Variants in MLLT10 observed in about 807,000 individuals in gnomAD.
MLLT10 encodes the protein protein AF-10.
In MLLT10, 30 loss-of-function variants were observed where a neutral mutation model predicts 129.1. The ratio of observed to expected loss-of-function variants is 0.23; its 90% CI spans 0.17 to 0.32. The LOEUF is 0.32. Ranked by LOEUF, MLLT10 falls within the 10% of genes least tolerant of loss-of-function variation. The pLI is 1.00. For synonymous variants in MLLT10, 490 were observed against 446.4 expected (o/e 1.10, Z -1.23); for missense variants, 1,119 against 1,268.3 (o/e 0.88, Z 1.79).
At chr10:21,600,209 G>A (rs6482189) in intron 5 of MLLT10, among the ~76,000 whole-genome samples, 59,610 of 151,872 alleles carry the variant, frequency 0.39, 13,175 homozygotes, top group African/African-American at 0.59. Flanking sequence ...GGCTTTATAT[G>A]CATTTTAGTA....
At chr10:21,668,903 T>C (rs2051111932) in intron 9 of MLLT10, 2 of 1,192,006 alleles carry the variant, frequency 1.7e-6, no homozygotes, top group African/African-American at 3.2e-5. Context: ...TAGATGACTT[T>C]TAAACTTCAC....
At chr10:21,607,956 T>A (rs1367045621) in intron 5 of MLLT10, among the ~76,000 whole-genome samples, 1 of 152,080 alleles carries the variant, frequency 6.6e-6, no homozygotes, top group Non-Finnish European at 1.5e-5. Context: ...ATATTTTGCC[T>A]TTATTTTTGA....
chr10:21,732,150 CCT>C (rs2058022338), intron 17 of MLLT10, among the ~76,000 whole-genome samples: 1 of 152,090 alleles, frequency 6.6e-6, no homozygotes, highest in South Asian at 2.1e-4. Context: ...TTCTAAAGGC[CCT>C]GAGGTCATGT....
At chr10:21,593,447 A>G (rs2042702639) in intron 4 of MLLT10, among the ~76,000 whole-genome samples, 1 of 152,022 alleles carries the variant, frequency 6.6e-6, no homozygotes, top group African/African-American at 2.4e-5. Flanking sequence ...GTTTTCAGTT[A>G]TTTGCATCAA....
intron 13 of MLLT10, among the ~76,000 whole-genome samples, chr10:21,707,483 G>A (rs547564272): frequency 1.3e-5 from 2 of 152,122 alleles, no homozygotes; most frequent in Non-Finnish European, 2.9e-5. Flanking sequence ...GAGCCACTGC[G>A]CCCGGCCAAG....
At position 21,702,996 on chromosome 10, in the gene MLLT10, CCTTTCTTTTT is replaced by C. The variant is rs543284517; in HGVS notation, c.1700-10775_1700-10766del. Reference sequence around the variant, plus strand: ...AGTTGTTTTGTATATTCTTTCTTTTCCTTTCTTTTTGTCGTTGTGGTTTTGTGGTTTTCTG... The same window carrying C: ...AGTTGTTTTGTATATTCTTTCTTTTCGTCGTTGTGGTTTTGTGGTTTTCTG... On this transcript the variant is annotated intron_variant, in intron 13 of 22. Coordinates refer to ENST00000307729, the MANE Select transcript of MLLT10 (RefSeq NM_001195626.3). Among the ~76,000 whole-genome samples, 274 of 151,958 alleles carry C rather than the reference CCTTTCTTTTT, an allele frequency of 1.8e-3. 1 individual carries two copies. Among genetic ancestry groups the C allele is most frequent in the Non-Finnish European group, 2.7e-3 (186 of 67,942 alleles).
At chr10:21,676,469 CCA>C (rs1248643853) in intron 11 of MLLT10, among the ~76,000 whole-genome samples, 2 of 149,174 alleles carry the variant, frequency 1.3e-5, no homozygotes, top group African/African-American at 4.9e-5. Flanking sequence ...GCCTGTAATC[CCA>C]GTACTTTGGG....
chr10:21,665,309 G>GGT (rs2050671152), intron 9 of MLLT10, among the ~76,000 whole-genome samples: 2 of 141,304 alleles, frequency 1.4e-5, no homozygotes, highest in African/African-American at 5.3e-5. Context: ...TTTGGGGGGG[G>GGT]GGGGGTTTCA....
chr10:21,563,810 T>TATG (rs1275761258), intron 3 of MLLT10, among the ~76,000 whole-genome samples: 9 of 149,278 alleles, frequency 6.0e-5, no homozygotes, highest in African/African-American at 2.2e-4. Flanking sequence ...TTATTATTAT[T>TATG]ATTATTATTA....
At chr10:21,556,976 T>C in intron 3 of MLLT10, 1 of 1,517,640 alleles carries the variant, frequency 6.6e-7, no homozygotes, top group Admixed American at 2.3e-5. Flanking sequence ...GTGTTTCTGA[T>C]GTGGTCTTTT....
chr10:21,574,890 C>G (rs138211935), intron 3 of MLLT10, among the ~76,000 whole-genome samples: 1 of 152,238 alleles, frequency 6.6e-6, no homozygotes, highest in East Asian at 1.9e-4. Context: ...GTTTTATCAG[C>G]AAGGTTTTTA....
chr10:21,707,977 T>G (rs1232631353), intron 13 of MLLT10, among the ~76,000 whole-genome samples: 1 of 152,244 alleles, frequency 6.6e-6, no homozygotes, highest in Non-Finnish European at 1.5e-5. Context: ...TTCCTAGTAT[T>G]TCACTCTTGT....
intron 8 of MLLT10, among the ~76,000 whole-genome samples, chr10:21,650,680 T>C (rs545057138): frequency 2.0e-5 from 3 of 152,294 alleles, no homozygotes; most frequent in African/African-American, 7.2e-5. Context: ...CAATACTGTT[T>C]CATAATGTAG....
At chr10:21,698,037 G>A (rs907864257) in intron 13 of MLLT10, among the ~76,000 whole-genome samples, 6 of 152,110 alleles carry the variant, frequency 3.9e-5, no homozygotes, top group East Asian at 1.9e-4. Context: ...CCATCACCTC[G>A]AATGTTTATC....
chr10:21,639,009 G>A (rs1406365560), intron 8 of MLLT10, among the ~76,000 whole-genome samples: 1 of 152,096 alleles, frequency 6.6e-6, no homozygotes, highest in Admixed American at 6.5e-5. Context: ...CTAGTTGACC[G>A]TACAATTTTT....
intron 8 of MLLT10, among the ~76,000 whole-genome samples, chr10:21,628,429 C>CT (rs2046667760): frequency 3.5e-5 from 5 of 143,724 alleles, no homozygotes; most frequent in Non-Finnish European, 7.5e-5. Flanking sequence ...AGGATGCTCT[C>CT]TCTTTTTTTT....
chr10:21,704,022 T>TTG (rs1554856134), intron 13 of MLLT10, among the ~76,000 whole-genome samples: 33 of 132,390 alleles, frequency 2.5e-4, no homozygotes, highest in African/African-American at 5.4e-4. Context: ...TTTTGTTTTT[T>TTG]TTTTTTTTTT....
intron 5 of MLLT10, among the ~76,000 whole-genome samples, chr10:21,598,962 GA>G (rs1430576279): frequency 6.6e-6 from 1 of 151,862 alleles, no homozygotes; most frequent in East Asian, 1.9e-4. Context: ...GGTAGATCAC[GA>G]GGTCAGGAGT....
chr10:21,587,960 T>A (rs1236779936), intron 4 of MLLT10, among the ~76,000 whole-genome samples: 1 of 152,246 alleles, frequency 6.6e-6, no homozygotes, highest in Non-Finnish European at 1.5e-5. Context: ...AAAGACTTAT[T>A]TACTCCCTCC....
Sources: gnomAD v4.1 joint callset for allele counts (sites outside exome capture counted in the v4.1 genomes callset) on GRCh38, gnomAD v4.1.1 for gene constraint, MANE v1.5 for transcripts, NCBI Gene and HGNC (gene_info 2026-07-23, HGNC 2026-07-21) for gene names.